The following GRIK4 variants were observed in gnomAD, a reference collection of about 807,000 sequenced individuals.
GRIK4 encodes glutamate receptor ionotropic, kainate 4.
A neutral mutation model predicts 104.9 loss-of-function variants in GRIK4; 40 were observed. That is an observed-to-expected ratio of 0.38 (90% confidence interval 0.30 to 0.50). The LOEUF is 0.50. Among genes scored for constraint, GRIK4 ranks in the 20% least tolerant of loss-of-function variants. GRIK4 has a pLI of 0.93. For synonymous variants in GRIK4, 485 were observed against 524.9 expected, an observed-to-expected ratio of 0.92 and a Z score of 1.04; for missense variants, 1,047 against 1,308.1, an observed-to-expected ratio of 0.80 and a Z score of 3.08.
chr11:120,919,839 C>T (rs954747222), intron 13 of GRIK4, among the ~76,000 whole-genome samples: 1 of 152,100 alleles, frequency 6.6e-6, no homozygotes, highest in Non-Finnish European at 1.5e-5. Flanking sequence ...AGAGGGAAGA[C>T]TCCAGGCTGA....
At position 120,787,534 on chromosome 11, in the gene GRIK4, G is replaced by A. The variant is rs188091667; in HGVS notation, c.83-15159G>A. ...GGCTGGAGTGCAGTGGCACGATCTC[G>A]GCTCGCTGCAACCTCTGCCTCCTGG... is the stretch of plus-strand genomic sequence containing the variant. On this transcript the variant is annotated intron_variant, in intron 3 of 20. Transcript: ENST00000527524. 6.8e-3 allele frequency among the ~76,000 whole-genome samples: 1,026 copies of A among 151,252 alleles called. 16 individuals are homozygous for A. Among genetic ancestry groups the A allele is most frequent in the African/African-American group, 0.024 (969 of 41,228 alleles).
At chr11:120,925,884 G>A (rs1353604193) in intron 13 of GRIK4, among the ~76,000 whole-genome samples, 2 of 151,378 alleles carry the variant, frequency 1.3e-5, no homozygotes, top group East Asian at 1.9e-4. Flanking sequence ...TGAGGCAGGG[G>A]ATTTGCTTGA....
chr11:120,687,522 T>G lies in GRIK4; in HGVS notation c.82+27122T>G, dbSNP rs148618418. 1.1e-4 allele frequency among the ~76,000 whole-genome samples: 17 copies of G among 152,276 alleles called. No individual in the cohort carries two copies. The East Asian group carries it at 3.3e-3, about 29-fold the overall frequency. On this transcript the variant is annotated intron_variant, in intron 3 of 20. Coordinates refer to ENST00000527524, the MANE Select transcript of GRIK4 (RefSeq NM_014619.5). ...TGTTTAGATCACCTGTGAATCTGTTTCTATTGTGTGTTGTTGTTGTTTTTT... is the reference window on the plus strand; with the variant it reads ...TGTTTAGATCACCTGTGAATCTGTTGCTATTGTGTGTTGTTGTTGTTTTTT...
At chr11:120,919,900 A>G (rs1592080838) in intron 13 of GRIK4, among the ~76,000 whole-genome samples, 1 of 152,122 alleles carries the variant, frequency 6.6e-6, no homozygotes, top group Non-Finnish European at 1.5e-5. Flanking sequence ...GCACACAGGG[A>G]AAGAGTAGCT....
Position 120,905,645 on chromosome 11 carries a change from C to T in GRIK4, c.1476+152C>T. On this transcript the variant is annotated intron_variant, in intron 13 of 20. Transcript: ENST00000527524. The surrounding 1 kb of genome is among the most constrained non-coding windows in gnomAD (Gnocchi z 5.1). ...TTGTCCACTCATTCTATAAATCTTG[C>T]CTGGACTGGCACAGACGTGCGGTGG... 1 of 672,110 alleles carries T rather than the reference C, an allele frequency of 1.5e-6. No homozygotes were observed. Among genetic ancestry groups the T allele is most frequent in the South Asian group, 1.7e-5 (1 of 57,270 alleles). 41.6% of individuals were successfully genotyped at this position (672,110 alleles called of 1,614,324 possible).
At chr11:120,519,702 TAAG>T (rs1947772905) in intron 1 of GRIK4, among the ~76,000 whole-genome samples, 1 of 152,120 alleles carries the variant, frequency 6.6e-6, no homozygotes, top group South Asian at 2.1e-4. Flanking sequence ...CCATAGCTGG[TAAG>T]AAGCAGAGTT....
chr11:120,862,657 C>T (rs1954293039), intron 9 of GRIK4, among the ~76,000 whole-genome samples: 1 of 152,160 alleles, frequency 6.6e-6, no homozygotes, highest in African/African-American at 2.4e-5. Flanking sequence ...AGAATGGCTC[C>T]CTTCTGCCCA....
intron 12 of GRIK4, among the ~76,000 whole-genome samples, chr11:120,900,928 G>T (rs779317229): frequency 3.9e-5 from 6 of 152,158 alleles, no homozygotes; most frequent in African/African-American, 7.2e-5. Flanking sequence ...TGGGGGAGGG[G>T]GTGCAGCACC....
At chr11:120,978,109 T>G (rs774110691) in intron 19 of GRIK4, among the ~76,000 whole-genome samples, 2 of 152,248 alleles carry the variant, frequency 1.3e-5, no homozygotes, top group Non-Finnish European at 2.9e-5. Flanking sequence ...TCTTTCTTTC[T>G]GCTCATTCTT....
rs181245562 is a variant in GRIK4 at position 120,823,635 on chromosome 11, G to A, written c.511+3715G>A. On this transcript the variant is annotated intron_variant, in intron 6 of 20. Transcript: ENST00000527524. ...CATGGTCTGCACAAACAGCCCTGGA[G>A]CAGTGGTTCGAGGGTGGGCTCTGCC... Among the ~76,000 whole-genome samples, 82 of 152,318 alleles carry A rather than the reference G, an allele frequency of 5.4e-4. 1 individual carries two copies. Among genetic ancestry groups the A allele is most frequent in the African/African-American group, 2.0e-3 (82 of 41,578 alleles).
chr11:120,603,892 C>T (rs1367028209), intron 1 of GRIK4, among the ~76,000 whole-genome samples: 3 of 150,358 alleles, frequency 2.0e-5, no homozygotes, highest in East Asian at 2.0e-4. Flanking sequence ...AGCCCCTGGC[C>T]GGGTGCGGTG....
chr11:120,873,105 T>G (rs1432323582), intron 9 of GRIK4: 2 of 152,270 alleles, frequency 1.3e-5, no homozygotes, highest in Non-Finnish European at 2.9e-5. Flanking sequence ...GATGAAAATG[T>G]GGGCACACAA....
At chr11:120,550,705 C>T (rs548325552) in intron 1 of GRIK4, among the ~76,000 whole-genome samples, 43 of 152,024 alleles carry the variant, frequency 2.8e-4, no homozygotes, top group African/African-American at 1.0e-3. Flanking sequence ...TCCTGAGGCC[C>T]CGGGAGTCAC....
intron 3 of GRIK4, among the ~76,000 whole-genome samples, chr11:120,720,289 A>G (rs1950907384): frequency 6.6e-6 from 1 of 152,234 alleles, no homozygotes; most frequent in Non-Finnish European, 1.5e-5. Context: ...CATGAAATCG[A>G]TAAGCACTGC....
At chr11:120,660,194 G>A (rs1361777881) in intron 2 of GRIK4, 75 bp from the exon 3 acceptor site, 8 of 685,708 alleles carry the variant, frequency 1.2e-5, no homozygotes, top group Non-Finnish European at 2.1e-5. Flanking sequence ...CCGGCTCCTG[G>A]GTGTCACTGG....
At chr11:120,520,446 A>G (rs1215043628) in intron 1 of GRIK4, among the ~76,000 whole-genome samples, 1 of 152,212 alleles carries the variant, frequency 6.6e-6, no homozygotes, top group African/African-American at 2.4e-5. Flanking sequence ...ATCACGTGCC[A>G]TTCTTTTCCA....
At chr11:120,647,894 C>T (rs1949564312) in intron 1 of GRIK4, among the ~76,000 whole-genome samples, 1 of 152,206 alleles carries the variant, frequency 6.6e-6, no homozygotes, top group Admixed American at 6.5e-5. Context: ...CGGTGGCCGC[C>T]AGTGCCCAGC....
chr11:120,898,672 C>A, intron 12 of GRIK4, 33 bp downstream of exon 12: 1 of 1,260,746 alleles, frequency 7.9e-7, no homozygotes, highest in Non-Finnish European at 1.2e-6. Context: ...CCAGCTGCAG[C>A]ATCCTGGGGT....
At chr11:120,518,840 A>G (rs1011857748) in intron 1 of GRIK4, among the ~76,000 whole-genome samples, 10 of 152,122 alleles carry the variant, frequency 6.6e-5, no homozygotes, top group Non-Finnish European at 1.3e-4. Flanking sequence ...GCTGGTCTCA[A>G]ACTCGTGACC....
Sources: allele counts gnomAD v4.1 joint callset (sites outside exome capture counted in the v4.1 genomes callset), GRCh38; gene constraint gnomAD v4.1.1; non-coding constraint Gnocchi (gnomAD v3.1); transcripts MANE v1.5; gene names NCBI Gene and HGNC (gene_info 2026-07-23, HGNC 2026-07-21).